Variants in RAC1 observed in about 807,000 individuals in gnomAD.
RAC1 encodes the protein Rac family small GTPase 1, also known as ras-related C3 botulinum toxin substrate 1.
A neutral mutation model predicts 25.2 loss-of-function variants in RAC1; 2 were observed. The observed-to-expected ratio is 0.08, with a 90% CI of 0.03 to 0.25. The LOEUF (loss-of-function observed/expected upper bound fraction) is 0.25, where lower values mean the gene tolerates loss of function less well. Ranked by LOEUF, RAC1 falls within the 10% of genes least tolerant of loss-of-function variation. RAC1 has a pLI of 1.00. For synonymous variants in RAC1, 88 were observed against 94.0 expected, an observed-to-expected ratio of 0.94 and a Z score of 0.37; for missense variants, 50 against 235.7, an observed-to-expected ratio of 0.21 and a Z score of 5.16.
At chr7:6,395,570 A>G (rs1031992323) in intron 3 of RAC1, among the ~76,000 whole-genome samples, 2 of 152,214 alleles carry the variant, frequency 1.3e-5, no homozygotes, top group East Asian at 1.9e-4. Context: ...TGGATTTGTC[A>G]CTACTTAGAA....
intron 5 of RAC1, 95 bp from the exon 6 acceptor site, chr7:6,402,221 A>G: frequency 1.3e-6 from 2 of 1,508,298 alleles, no homozygotes; most frequent in Non-Finnish European, 1.8e-6. Context: ...AGCCGGCAGA[A>G]GGCGCCCGGG....
intron 2 of RAC1, among the ~76,000 whole-genome samples, chr7:6,389,384 AT>A (rs200405168): frequency 2.3e-3 from 327 of 144,162 alleles, no homozygotes; most frequent in Middle Eastern, 7.4e-3. Context: ...AATCTTTTGA[AT>A]TTTTTTTTTT....
chr7:6,374,858 G>T, intron 1 of RAC1, 88 bp downstream of exon 1: 2 of 1,001,938 alleles, frequency 2.0e-6, no homozygotes, highest in Non-Finnish European at 2.4e-6. Flanking sequence ...GCAGGCCGGC[G>T]TCCGCCGCGG....
At position 6,401,005 on chromosome 7, in the gene RAC1, G is replaced by A. The variant is rs181504607; in HGVS notation, c.288+817G>A. Among the ~76,000 whole-genome samples, 198 of 152,088 alleles carry A rather than the reference G, an allele frequency of 1.3e-3. 1 individual carries two copies. Among genetic ancestry groups the A allele is most frequent in the African/African-American group, 4.5e-3 (187 of 41,474 alleles). On this transcript the variant is annotated intron_variant, in intron 4 of 5. Coordinates refer to ENST00000348035, the MANE Select transcript of RAC1 (RefSeq NM_006908.5). ...AGAATCTTGCACTGTCATCCAAGCT[G>A]GAGTGCAGTGGCACAATCTTGGGTC... is the stretch of plus-strand genomic sequence containing the variant.
intron 1 of RAC1, among the ~76,000 whole-genome samples, chr7:6,376,077 G>A (rs530041618): frequency 2.5e-4 from 37 of 150,870 alleles, no homozygotes; most frequent in African/African-American, 8.8e-4. Context: ...CAATTCAGAT[G>A]CAAGAAGGAT....
chr7:6,382,156 G>C (rs934164072), intron 1 of RAC1, among the ~76,000 whole-genome samples: 8 of 152,068 alleles, frequency 5.3e-5, no homozygotes, highest in Non-Finnish European at 1.0e-4. Context: ...ACCACACTCA[G>C]CTAATTTTTT....
At chr7:6,376,280 T>A (rs1782590905) in intron 1 of RAC1, among the ~76,000 whole-genome samples, 1 of 140,440 alleles carries the variant, frequency 7.1e-6, no homozygotes, top group African/African-American at 2.7e-5. Context: ...CCTCCCAGGT[T>A]CAAGCGATCC....
intron 1 of RAC1, among the ~76,000 whole-genome samples, chr7:6,381,859 C>A (rs145384815): frequency 3.3e-4 from 51 of 152,292 alleles, no homozygotes; most frequent in African/African-American, 1.2e-3. Context: ...TAAGGCCTAC[C>A]GTTACAGAAT....
chr7:6,375,621 C>T (rs1246960987), intron 1 of RAC1, among the ~76,000 whole-genome samples: 1 of 151,666 alleles, frequency 6.6e-6, no homozygotes, highest in Admixed American at 6.6e-5. Flanking sequence ...AAGATGCTGG[C>T]TGGGAGGAGC....
intron 1 of RAC1, among the ~76,000 whole-genome samples, chr7:6,382,568 T>C (rs1018852881): frequency 1.3e-5 from 2 of 152,174 alleles, no homozygotes; most frequent in African/African-American, 4.8e-5. Flanking sequence ...AAAAAGTAAG[T>C]AAAAAGTTCT....
At chr7:6,375,850 C>G (rs1317405825) in intron 1 of RAC1, 3 of 151,914 alleles carry the variant, frequency 2.0e-5, no homozygotes, top group African/African-American at 7.2e-5. Flanking sequence ...CAGTTTTTTT[C>G]TCCCATAGAA....
intron 2 of RAC1, among the ~76,000 whole-genome samples, chr7:6,389,957 CCCTTCCTCCCTT>C (rs1207673934): frequency 4.0e-5 from 5 of 125,852 alleles, no homozygotes; most frequent in Non-Finnish European, 6.5e-5. Context: ...CTCTCTCCCT[CCCTTCCTCCCTT>C]CCTTTCTTCC....
At chr7:6,396,705 G>T (rs1562468687) in intron 3 of RAC1, among the ~76,000 whole-genome samples, 1 of 152,176 alleles carries the variant, frequency 6.6e-6, no homozygotes, top group Non-Finnish European at 1.5e-5. Flanking sequence ...GATAGCTGTG[G>T]AAACTAATGT....
chr7:6,393,406 T>A (rs1783142960), intron 3 of RAC1, among the ~76,000 whole-genome samples: 1 of 152,034 alleles, frequency 6.6e-6, no homozygotes, highest in South Asian at 2.1e-4. Flanking sequence ...AAGGGTGTGG[T>A]GTCATTCTGA....
intron 2 of RAC1, among the ~76,000 whole-genome samples, chr7:6,390,477 G>A (rs993023003): frequency 6.6e-6 from 1 of 151,750 alleles, no homozygotes; most frequent in African/African-American, 2.4e-5. Context: ...GCGTGCACCT[G>A]TAATCCCAGC....
chr7:6,403,705 C>T lies in RAC1; in HGVS notation c.*1259C>T, dbSNP rs1783485087. ...CCAATACTGACCCTCTTTACCTCGC[C>T]CACGCGGACACACGCCTCCTGTAGT... On this transcript the variant is annotated 3_prime_UTR_variant, in exon 6 of 6. Transcript: ENST00000348035. 1 of 208,788 alleles carries T rather than the reference C, an allele frequency of 4.8e-6. No individual in the cohort carries two copies. The highest frequency in any genetic ancestry group is 9.7e-6 in the Non-Finnish European group (1 of 102,594). 12.9% of individuals were successfully genotyped at this position (208,788 alleles called of 1,614,324 possible). A position where few individuals can be genotyped will look rare whatever the true frequency, so the allele number is the denominator to read the frequency against.
In RAC1 at chr7:6,377,212, T is replaced by TTA. The variant is rs1554262635; in HGVS notation, c.35+2442_35+2443insTA. Among the ~76,000 whole-genome samples, 73 of 151,852 alleles carry TTA rather than the reference T, an allele frequency of 4.8e-4. No individual in the cohort carries two copies. The South Asian group carries it at 0.014, about 28-fold the overall frequency. Reference sequence around the variant, plus strand: ...GAGTTTTCAGTCTGTTTTTTTTTTTTAATTAGTTATGAGCATTTGAACAAG... The same window carrying TTA: ...GAGTTTTCAGTCTGTTTTTTTTTTTTTAAATTAGTTATGAGCATTTGAACAAG... On this transcript the variant is annotated intron_variant, in intron 1 of 5. Coordinates refer to ENST00000348035, the MANE Select transcript of RAC1 (RefSeq NM_006908.5).
intron 3 of RAC1, among the ~76,000 whole-genome samples, chr7:6,395,087 C>T (rs913599588): frequency 1.3e-5 from 2 of 152,138 alleles, no homozygotes; most frequent in Non-Finnish European, 2.9e-5. Flanking sequence ...ATCTCCTGAG[C>T]TTGTGATCCG....
rs371132934 is a variant in RAC1, at chr7:6,391,915, A to T, written c.108-9A>T. The T allele has an allele frequency of 4.3e-6, 7 of 1,614,010 alleles. No homozygotes were observed. Among genetic ancestry groups the T allele is most frequent in the African/African-American group, 1.3e-5 (1 of 75,018 alleles). ...ACCTGTGACTAACCATTTTCATTCC[A>T]TTCTACAGCTTTGACAATTATTCTG... On this transcript the variant is annotated splice_polypyrimidine_tract_variant and intron_variant, in intron 2 of 5. Transcript: ENST00000348035.
Sources: allele counts gnomAD v4.1 joint callset (sites outside exome capture counted in the v4.1 genomes callset), GRCh38; gene constraint gnomAD v4.1.1; transcripts MANE v1.5; gene names NCBI Gene and HGNC (gene_info 2026-07-23, HGNC 2026-07-21).